PARD3B: variants seen among roughly 807,000 people sequenced by gnomAD.
PARD3B encodes partitioning defective 3 homolog B.
In PARD3B, 103 loss-of-function variants were observed where a neutral mutation model predicts 130.2. The observed-to-expected ratio is 0.79, with a 90% CI of 0.67 to 0.93. PARD3B has a LOEUF of 0.93. Ranked by LOEUF, PARD3B falls within the 40% of genes least tolerant of loss-of-function variation. PARD3B has a pLI of 0.00. For missense variants in PARD3B, 1,609 were observed against 1,499.2 expected (o/e 1.07, Z -1.21); for synonymous variants, 583 against 553.2 (o/e 1.05, Z -0.76).
At chr2:205,435,515 A>C (rs1403966091) in intron 19 of PARD3B, among the ~76,000 whole-genome samples, 1 of 151,818 alleles carries the variant, frequency 6.6e-6, no homozygotes, top group Non-Finnish European at 1.5e-5. Context: ...TTTTACTGCT[A>C]TCTCTTTTTT....
At chr2:205,501,863 A>C (rs1485279868) in intron 21 of PARD3B, among the ~76,000 whole-genome samples, 2 of 152,154 alleles carry the variant, frequency 1.3e-5, no homozygotes, top group African/African-American at 4.8e-5. Flanking sequence ...TTTTTATGCC[A>C]AGTAAACGTG....
chr2:205,372,113 TATGAATATTCGTGTACAAATTTTGC>T (rs1383432561), intron 18 of PARD3B, among the ~76,000 whole-genome samples: 18 of 152,218 alleles, frequency 1.2e-4, no homozygotes, highest in Non-Finnish European at 2.4e-4. Flanking sequence ...ATAATAATGC[TATGAATATTCGTGTACAAATTTTGC>T]ATGAATATAT....
chr2:204,894,220 C>T (rs1355137946), intron 2 of PARD3B, among the ~76,000 whole-genome samples: 2 of 151,964 alleles, frequency 1.3e-5, no homozygotes, highest in African/African-American at 4.8e-5. Flanking sequence ...TAATGGTGTC[C>T]TTTGCAAAGA....
chr2:205,035,851 C>CTA (rs1228141891), intron 3 of PARD3B, among the ~76,000 whole-genome samples: 3 of 75,072 alleles, frequency 4.0e-5, no homozygotes, highest in Admixed American at 3.1e-4. Context: ...ATATAGTGGG[C>CTA]TATATATATA....
chr2:204,696,675 A>G (rs778998295), intron 2 of PARD3B, among the ~76,000 whole-genome samples: 3 of 152,138 alleles, frequency 2.0e-5, no homozygotes, highest in Non-Finnish European at 2.9e-5. Flanking sequence ...TGAAAGTCCT[A>G]TAAGTATTTA....
rs1462583184 is a variant in PARD3B, at chr2:205,287,626, G to A, written c.2186-12904G>A. On this transcript the variant is annotated intron_variant, in intron 16 of 22. Coordinates refer to ENST00000406610, the MANE Select transcript of PARD3B (RefSeq NM_001302769.2). The surrounding 1 kb of genome is among the most constrained non-coding windows in gnomAD (Gnocchi z 4.8). The stretch of plus-strand genomic sequence containing the variant: ...GGCACACTGAATGAGAGTTGAGGAG[G>A]CATAGTACACCAAGGAAAGCCAGGA... Among the ~76,000 whole-genome samples the A allele has an allele frequency of 6.6e-6, 1 of 152,122 alleles. No individual in the cohort carries two copies. Among genetic ancestry groups the A allele is most frequent in the African/African-American group, 2.4e-5 (1 of 41,424 alleles).
chr2:204,722,202 A>G (rs1298786488), intron 2 of PARD3B, among the ~76,000 whole-genome samples: 1 of 152,192 alleles, frequency 6.6e-6, no homozygotes, highest in Non-Finnish European at 1.5e-5. Flanking sequence ...TCTATTGACA[A>G]ATAATTGGAT....
At chr2:204,919,215 C>T (rs925343025) in intron 2 of PARD3B, among the ~76,000 whole-genome samples, 2 of 152,064 alleles carry the variant, frequency 1.3e-5, no homozygotes, top group Non-Finnish European at 2.9e-5. Flanking sequence ...CTTTAGCATG[C>T]ATATCATTAG....
chr2:205,123,495 G>C (rs2031005854), intron 8 of PARD3B, among the ~76,000 whole-genome samples: 1 of 152,072 alleles, frequency 6.6e-6, no homozygotes, highest in Admixed American at 6.6e-5. Flanking sequence ...CCAAGGCAGG[G>C]AGTCTAGGGG....
chr2:205,294,857 T>C lies in PARD3B; in HGVS notation c.2186-5673T>C, dbSNP rs550932765. Among the ~76,000 whole-genome samples, 6 of 152,200 alleles carry C rather than the reference T, an allele frequency of 3.9e-5. No homozygotes were observed. In the East Asian group the frequency reaches 1.2e-3, roughly 29 times the overall value. On this transcript the variant is annotated intron_variant, in intron 16 of 22. Transcript: ENST00000406610. ...CAAATTGCATTATGCCCTATGGTAATGAATAGGAAACAGGGCACTGTGATA... is the reference window on the plus strand; with the variant it reads ...CAAATTGCATTATGCCCTATGGTAACGAATAGGAAACAGGGCACTGTGATA...
In PARD3B at chr2:205,063,194, C is replaced by T. The variant is rs950060802; in HGVS notation, c.504+15504C>T. ...CAAACATTTATCTTTGTGTTGGGGA[C>T]ATCATAATCCTTGTAGCTATTTTGA... On this transcript the variant is annotated intron_variant, in intron 4 of 22. Transcript: ENST00000406610. 5.2e-4 allele frequency among the ~76,000 whole-genome samples: 79 copies of T among 151,966 alleles called. 1 individual carries two copies. Among genetic ancestry groups the T allele is most frequent in the African/African-American group, 1.9e-3 (79 of 41,396 alleles).
At chr2:205,427,050 T>G (rs898980733) in intron 19 of PARD3B, among the ~76,000 whole-genome samples, 1 of 152,176 alleles carries the variant, frequency 6.6e-6, no homozygotes, top group African/African-American at 2.4e-5. Flanking sequence ...GATAGGCTAA[T>G]TAAAACTTCA....
chr2:205,119,742 T>A (rs1425231541), intron 7 of PARD3B, among the ~76,000 whole-genome samples: 1 of 151,998 alleles, frequency 6.6e-6, no homozygotes, highest in African/African-American at 2.4e-5. Flanking sequence ...AGATCGCGCC[T>A]TTGCACTCCA....
chr2:205,065,134 A>G (rs17283257), intron 4 of PARD3B, among the ~76,000 whole-genome samples: 25,846 of 152,230 alleles, frequency 0.17, 2,721 homozygotes, highest in East Asian at 0.26. Context: ...GCTTAGGCAC[A>G]GGAAGATGAG....
chr2:204,716,879 C>T (rs1259425309), intron 2 of PARD3B, among the ~76,000 whole-genome samples: 2 of 152,144 alleles, frequency 1.3e-5, no homozygotes, highest in Non-Finnish European at 2.9e-5. Flanking sequence ...GCGTCGGCCT[C>T]CCAAATTGGT....
intron 3 of PARD3B, among the ~76,000 whole-genome samples, chr2:204,979,952 C>T (rs902051939): frequency 6.6e-6 from 1 of 152,056 alleles, no homozygotes; most frequent in East Asian, 1.9e-4. Flanking sequence ...TAAAACAGAA[C>T]ACAAAAAGTG....
At chr2:205,315,483 C>A in intron 18 of PARD3B, among the ~76,000 whole-genome samples, 1 of 152,106 alleles carries the variant, frequency 6.6e-6, no homozygotes, top group East Asian at 1.9e-4. Context: ...ATCTACAGAG[C>A]TTGTTATAGA....
rs1482955758 is a variant in PARD3B at position 205,160,229 on chromosome 2, A to G, written c.1620+1322A>G. On this transcript the variant is annotated intron_variant, in intron 11 of 22. Coordinates refer to ENST00000406610, the MANE Select transcript of PARD3B (RefSeq NM_001302769.2). This position sits in a 1 kb window ranked among gnomAD's most constrained non-coding sequence, Gnocchi z 4.0. ...TAATTTTTCAGTAATATACACATCA[A>G]TAAGCCTTTATTTTTCTCATAGCTC... 6.6e-6 allele frequency among the ~76,000 whole-genome samples: 1 copy of G among 152,236 alleles called. No individual in the cohort carries two copies. The highest frequency in any genetic ancestry group is 1.5e-5 in the Non-Finnish European group (1 of 68,038).
chr2:205,527,083 A>T (rs1355934210), intron 21 of PARD3B, among the ~76,000 whole-genome samples: 1 of 152,246 alleles, frequency 6.6e-6, no homozygotes, highest in African/African-American at 2.4e-5. Context: ...AGACACAGCA[A>T]GTGTAACTAT....
Sources: allele counts gnomAD v4.1 joint callset (sites outside exome capture counted in the v4.1 genomes callset), GRCh38; gene constraint gnomAD v4.1.1; non-coding constraint Gnocchi (gnomAD v3.1); transcripts MANE v1.5; gene names NCBI Gene and HGNC (gene_info 2026-07-23, HGNC 2026-07-21).